Variants in NBAS observed in about 807,000 individuals in gnomAD.
NBAS encodes the protein NAG/BC035112 fusion.
In NBAS, 219 loss-of-function variants were observed where a neutral mutation model predicts 302.5. The ratio of observed to expected loss-of-function variants is 0.72; its 90% CI spans 0.65 to 0.81. The LOEUF is 0.81. NBAS is among the 30% of genes least tolerant of loss of function. The pLI is 0.00. For synonymous variants in NBAS, 1,118 were observed against 1,021.6 expected (o/e 1.09, Z -1.80); for missense variants, 2,932 against 2,841.6 (o/e 1.03, Z -0.72).
intron 25 of NBAS, among the ~76,000 whole-genome samples, chr2:15,412,231 A>G (rs1051029584): frequency 3.3e-5 from 5 of 152,128 alleles, no homozygotes; most frequent in Non-Finnish European, 5.9e-5. Context: ...ATTAACATCA[A>G]GCTTGCCCAT....
chr2:14,802,030 G>C, the NBAS span, among the ~76,000 whole-genome samples: 1 of 145,868 alleles, frequency 6.9e-6, no homozygotes, highest in African/African-American at 2.5e-5. Flanking sequence ...AGTTTAATTA[G>C]ATCCCATTTG....
chr2:14,806,858 A>C, the NBAS span, among the ~76,000 whole-genome samples: 1 of 152,248 alleles, frequency 6.6e-6, no homozygotes, highest in Non-Finnish European at 1.5e-5. Context: ...CCATTGCATC[A>C]CCAAAACAGT....
chr2:15,186,918 G>A, intron 49 of NBAS, 38 bp from the exon 50 acceptor site: 1 of 1,612,982 alleles, frequency 6.2e-7, no homozygotes, highest in Non-Finnish European at 8.5e-7. Context: ...CACTGGAAAT[G>A]ACTAAAGTTA....
At chr2:15,035,318 T>C in the NBAS span, among the ~76,000 whole-genome samples, 1 of 152,126 alleles carries the variant, frequency 6.6e-6, no homozygotes, top group Non-Finnish European at 1.5e-5. Context: ...TGTTAAAAAG[T>C]GAAGAAACAA....
At chr2:15,257,405 T>A (rs2148005027) in intron 44 of NBAS, among the ~76,000 whole-genome samples, 1 of 151,324 alleles carries the variant, frequency 6.6e-6, no homozygotes, top group East Asian at 1.9e-4. Context: ...AATTTCTTTT[T>A]TTTTTTTTTT....
At chr2:14,954,118 G>T in the NBAS span, among the ~76,000 whole-genome samples, 2 of 152,178 alleles carry the variant, frequency 1.3e-5, no homozygotes, top group African/African-American at 2.4e-5. Flanking sequence ...TCTGTTGATT[G>T]ATGTAAAGGC....
chr2:15,163,554 T>A (rs1041972983), downstream of NBAS, among the ~76,000 whole-genome samples: 3 of 152,208 alleles, frequency 2.0e-5, no homozygotes, highest in Admixed American at 2.0e-4. Context: ...TATGTAGTCA[T>A]GACTGGTAAC....
chr2:15,083,384 T>C, the NBAS span, among the ~76,000 whole-genome samples: 4 of 152,238 alleles, frequency 2.6e-5, no homozygotes, highest in African/African-American at 9.6e-5. Flanking sequence ...CTTTTAATGC[T>C]TTTAAAATAA....
the NBAS span, among the ~76,000 whole-genome samples, chr2:15,116,262 C>T: frequency 6.6e-6 from 1 of 152,116 alleles, no homozygotes; most frequent in African/African-American, 2.4e-5. Context: ...CTTCGACTAC[C>T]ATAAAAATAC....
intron 21 of NBAS, among the ~76,000 whole-genome samples, chr2:15,439,101 C>T (rs1158856075): frequency 6.6e-5 from 10 of 152,154 alleles, no homozygotes; most frequent in African/African-American, 2.4e-4. Context: ...CGAGACCATC[C>T]TGGCTAACAC....
At chr2:15,113,208 A>G in the NBAS span, among the ~76,000 whole-genome samples, 1 of 152,078 alleles carries the variant, frequency 6.6e-6, no homozygotes, top group Admixed American at 6.6e-5. Flanking sequence ...GGGCCTTGAG[A>G]ACAAGAATTT....
chr2:15,008,378 C>G, the NBAS span, among the ~76,000 whole-genome samples: 1 of 152,230 alleles, frequency 6.6e-6, no homozygotes, highest in Non-Finnish European at 1.5e-5. Flanking sequence ...GATGCATCTC[C>G]AGTTCTCTCC....
chr2:15,030,689 T>C, the NBAS span, among the ~76,000 whole-genome samples: 1 of 152,232 alleles, frequency 6.6e-6, no homozygotes, highest in Non-Finnish European at 1.5e-5. Flanking sequence ...CAATCATTAA[T>C]ACAGCTTTTG....
intron 21 of NBAS, among the ~76,000 whole-genome samples, chr2:15,441,331 AAG>A (rs1170232038): frequency 2.0e-5 from 3 of 152,202 alleles, no homozygotes; most frequent in African/African-American, 7.2e-5. Context: ...TACAAACCAG[AAG>A]AGAGTGGGGG....
chr2:15,277,577 G>A (rs1337204615), intron 42 of NBAS, among the ~76,000 whole-genome samples: 2 of 152,150 alleles, frequency 1.3e-5, no homozygotes, highest in African/African-American at 2.4e-5. Context: ...ACATGCAAGA[G>A]TCTTGAATTA....
intron 48 of NBAS, among the ~76,000 whole-genome samples, chr2:15,198,243 T>C (rs1321509019): frequency 6.6e-6 from 1 of 152,230 alleles, no homozygotes; most frequent in Non-Finnish European, 1.5e-5. Flanking sequence ...GGTATGCATA[T>C]ATCATATTTT....
the NBAS span, among the ~76,000 whole-genome samples, chr2:15,142,047 A>G: frequency 1.1e-3 from 171 of 152,346 alleles, no homozygotes; most frequent in African/African-American, 3.8e-3. Context: ...TAAATCCAGC[A>G]TTACCTCCAA....
intron 35 of NBAS, among the ~76,000 whole-genome samples, chr2:15,337,287 C>G (rs1408568452): frequency 6.6e-6 from 1 of 151,862 alleles, no homozygotes; most frequent in African/African-American, 2.4e-5. Context: ...TGCACTCCAG[C>G]CTGGAGGACT....
intron 6 of NBAS, among the ~76,000 whole-genome samples, chr2:15,551,239 A>G (rs1161253045): frequency 3.3e-5 from 5 of 152,260 alleles, no homozygotes; most frequent in African/African-American, 1.2e-4. Context: ...AAAAGGCTAC[A>G]GTTAAAAATA....
Sources: allele counts gnomAD v4.1 joint callset (sites outside exome capture counted in the v4.1 genomes callset), GRCh38; gene constraint gnomAD v4.1.1; transcripts MANE v1.5; gene names NCBI Gene and HGNC (gene_info 2026-07-23, HGNC 2026-07-21).